EIF2AK1: variants seen among roughly 807,000 people sequenced by gnomAD.
The protein encoded by EIF2AK1 is eukaryotic translation initiation factor 2 alpha kinase 1.
In EIF2AK1, 54 loss-of-function variants were observed where a neutral mutation model predicts 77.9. That is an observed-to-expected ratio of 0.69 (90% confidence interval 0.56 to 0.87). The LOEUF (loss-of-function observed/expected upper bound fraction) is 0.87. Among genes scored for constraint, EIF2AK1 ranks in the 40% least tolerant of loss-of-function variants. The probability of loss-of-function intolerance (pLI) is 0.00; values close to 1 mark genes in which losing one functional copy is unlikely to be tolerated. For missense variants in EIF2AK1, 810 were observed against 768.6 expected, an observed-to-expected ratio of 1.05 and a Z score of -0.64; for synonymous variants, 314 against 290.5, an observed-to-expected ratio of 1.08 and a Z score of -0.82.
intron 11 of EIF2AK1, among the ~76,000 whole-genome samples, chr7:6,034,833 G>T (rs1339054629): frequency 6.6e-6 from 1 of 152,148 alleles, no homozygotes. Context: ...CCTGGAGCAG[G>T]GAATGAACTT....
chr7:6,037,298 A>G (rs1788136278), intron 11 of EIF2AK1, 126 bp downstream of exon 11: 1 of 659,294 alleles, frequency 1.5e-6, no homozygotes, highest in Non-Finnish European at 2.7e-6. Flanking sequence ...CTTATCTGAC[A>G]GTAATTATAA....
rs1219794263 is a variant in EIF2AK1 at position 6,049,776 on chromosome 7, A to C, written c.411+136T>G. On this transcript the variant is annotated intron_variant, in intron 3 of 14. Coordinates refer to ENST00000199389, the MANE Select transcript of EIF2AK1 (RefSeq NM_014413.4). ...GTGCTGGGATTAAGGCATGAGCCAC[A>C]CCACCATGCCTGGCCTAGAGTTTAT... is the stretch of plus-strand genomic sequence containing the variant. 1.5e-4 allele frequency: 125 copies of C among 820,914 alleles called. 3 individuals are homozygous for C. In the South Asian group the frequency reaches 1.7e-3, roughly 11 times the overall value. The allele number at this position is 820,914 out of a possible 1,614,324, so 50.9% of individuals were successfully genotyped here. A position where few individuals can be genotyped will look rare whatever the true frequency, so the allele number is the denominator to read the frequency against.
Position 6,024,198 on chromosome 7 carries a change from CAGA to C in EIF2AK1, c.*472_*474del. On this transcript the variant is annotated 3_prime_UTR_variant, in exon 15 of 15. Transcript: ENST00000199389. ...AGTTGAGCTTTTATCTTAGAGGCAG[CAGA>C]AGGTTTGGAGCCAAGGAATGAAATG... 2.4e-6 allele frequency: 3 copies of C among 1,248,290 alleles called. No homozygotes were observed. The highest frequency in any genetic ancestry group is 2.7e-5 in the Admixed American group (1 of 37,564). 77.3% of individuals were successfully genotyped at this position (1,248,290 alleles called of 1,614,324 possible).
Position 6,024,295 on chromosome 7 carries a change from A to C in EIF2AK1, c.*378T>G. ...GGGGCAGGAAGACTGGCAGCTGTCA[A>C]AACTGGAACAGTCCAGTGAGTATGT... On this transcript the variant is annotated 3_prime_UTR_variant, in exon 15 of 15. Coordinates refer to ENST00000199389, the MANE Select transcript of EIF2AK1 (RefSeq NM_014413.4). The C allele has an allele frequency of 1.6e-6, 2 of 1,214,258 alleles. No individual in the cohort carries two copies. Among genetic ancestry groups the C allele is most frequent in the Non-Finnish European group, 2.1e-6 (2 of 959,466 alleles). The allele number at this position is 1,214,258 out of a possible 1,614,324, so 75.2% of individuals were successfully genotyped here. A position where few individuals can be genotyped will look rare whatever the true frequency, so the allele number is the denominator to read the frequency against.
rs1195294454 is a variant in EIF2AK1, at chr7:6,027,104, G to A, written c.1531-143C>T. 2.0e-5 allele frequency: 14 copies of A among 690,362 alleles called. No individual in the cohort carries two copies. Among genetic ancestry groups the A allele is most frequent in the Non-Finnish European group, 2.7e-5 (11 of 411,138 alleles). The allele number at this position is 690,362 out of a possible 1,614,324, so 42.8% of individuals were successfully genotyped here. Reference sequence around the variant, plus strand: ...ACCCACAAGGAAGGGAACAGAGCAGGATAGCTCATCAGTGACAGGGACTTT... The same window carrying A: ...ACCCACAAGGAAGGGAACAGAGCAGAATAGCTCATCAGTGACAGGGACTTT... On this transcript the variant is annotated intron_variant, in intron 13 of 14. Transcript: ENST00000199389. The surrounding 1 kb of genome is among the most constrained non-coding windows in gnomAD (Gnocchi z 4.5).
At chr7:6,050,195 G>A in intron 2 of EIF2AK1, 150 bp from the exon 3 acceptor site, 1 of 688,460 alleles carries the variant, frequency 1.5e-6, no homozygotes, top group East Asian at 2.9e-5. Flanking sequence ...GTTAAACTTG[G>A]AGAATGTTCT....
rs780373174 is a variant in EIF2AK1, at chr7:6,040,957, C to G, written c.1054G>C (p.Glu352Gln). 6.2e-7 allele frequency: 1 copy of G among 1,614,154 alleles called. No individual in the cohort carries two copies. Among genetic ancestry groups the G allele is most frequent in the South Asian group, 1.1e-5 (1 of 91,078 alleles). ...TCTTCGGTGGATGTGAAACTCTCCT[C>G]TAGGTGGGAATTACGCCTGAGTGGC... ...QLPLRRNSHL[E>Q]ESFTSTEESS... The change falls in exon 9 of 15, where the codon GAG (glutamate) becomes CAG (glutamine). Residue 352 changes from glutamate to glutamine, a missense_variant. Glu to Gln is a conservative substitution (Grantham distance 29, BLOSUM62 2). Coordinates refer to ENST00000199389, the MANE Select transcript of EIF2AK1 (RefSeq NM_014413.4).
At chr7:6,034,547 C>A (rs1387926556) in intron 11 of EIF2AK1, among the ~76,000 whole-genome samples, 1 of 152,110 alleles carries the variant, frequency 6.6e-6, no homozygotes, top group South Asian at 2.1e-4. Context: ...AGAACTCTGC[C>A]GGCTTCCACT....
intron 7 of EIF2AK1, 45 bp from the exon 8 acceptor site, chr7:6,043,038 T>C: frequency 6.3e-7 from 1 of 1,586,634 alleles, no homozygotes; most frequent in East Asian, 2.2e-5. Context: ...GCCCAGTTTT[T>C]CAAATTGTAG....
Position 6,029,001 on chromosome 7 carries a change from T to G in EIF2AK1, c.1364A>C (p.Gln455Pro). 6.2e-7 allele frequency: 1 copy of G among 1,612,542 alleles called. No individual in the cohort carries two copies. Among genetic ancestry groups the G allele is most frequent in the Non-Finnish European group, 8.5e-7 (1 of 1,179,736 alleles). ...ACCAAAGTCTCCTATTTTTACTTGC[T>G]GATCAGGGCCATGAAGAAAAATATT... ...PRNIFLHGPDQQVKIGDFGLA... is the reference protein window; with the variant it reads ...PRNIFLHGPDPQVKIGDFGLA... Residue 455 changes from glutamine (Q) to proline (P), a missense_variant, in exon 12 of 15, where the codon CAG (glutamine) becomes CCG (proline). Gln to Pro is a moderately conservative substitution (Grantham distance 76, BLOSUM62 -1). Coordinates refer to ENST00000199389, the MANE Select transcript of EIF2AK1 (RefSeq NM_014413.4).
chr7:6,041,840 A>G (rs550542258), intron 8 of EIF2AK1, among the ~76,000 whole-genome samples: 2 of 18,802 alleles, frequency 1.1e-4, no homozygotes, highest in East Asian at 7.8e-3. Context: ...GACTCCATCT[A>G]AAAAAAAAAA....
intron 1 of EIF2AK1, among the ~76,000 whole-genome samples, chr7:6,058,545 CAAG>C (rs775523690): frequency 6.6e-6 from 1 of 152,140 alleles, no homozygotes; most frequent in African/African-American, 2.4e-5. Context: ...AAGCAAAAGA[CAAG>C]AAGAGCTACA....
At position 6,027,426 on chromosome 7, in the gene EIF2AK1, A is replaced by AT. The variant is rs1024505268; in HGVS notation, c.1531-466dup. ...TCTGTGATACTACTCCTAAAAACAG[A>AT]TTTTTTAGGAAGGTCTTCACTAAAC... On this transcript the variant is annotated intron_variant, in intron 13 of 14. Coordinates refer to ENST00000199389, the MANE Select transcript of EIF2AK1 (RefSeq NM_014413.4). This position sits in a 1 kb window ranked among gnomAD's most constrained non-coding sequence, Gnocchi z 4.5. Among the ~76,000 whole-genome samples the AT allele has an allele frequency of 3.5e-4, 54 of 152,332 alleles. 1 individual carries two copies. The highest frequency in any genetic ancestry group is 1.3e-3 in the African/African-American group (53 of 41,592).
rs1468182470 is a variant in EIF2AK1, at chr7:6,032,975, T to C, written c.1333-3943A>G. On this transcript the variant is annotated intron_variant, in intron 11 of 14. Transcript: ENST00000199389. This position sits in a 1 kb window ranked among gnomAD's most constrained non-coding sequence, Gnocchi z 4.3. ...ACCGAAAATCATTTCTTTTTTTTTC[T>C]TTTTTGTTTTGAGGCAGGGGTCTCG... is the stretch of plus-strand genomic sequence containing the variant. 6.6e-7 allele frequency: 1 copy of C among 1,514,496 alleles called. No homozygotes were observed. Among genetic ancestry groups the C allele is most frequent in the Admixed American group, 2.0e-5 (1 of 50,418 alleles). The allele number at this position is 1,514,496 out of a possible 1,614,324, so 93.8% of individuals were successfully genotyped here. A position where few individuals can be genotyped will look rare whatever the true frequency, so the allele number is the denominator to read the frequency against.
intron 2 of EIF2AK1, among the ~76,000 whole-genome samples, chr7:6,050,518 C>T (rs1163157624): frequency 2.0e-5 from 3 of 150,678 alleles, no homozygotes; most frequent in African/African-American, 4.9e-5. Context: ...TTTTAAAAAG[C>T]GAAGAAACTT....
At position 6,027,329 on chromosome 7, in the gene EIF2AK1, C is replaced by T. The variant is rs557038219; in HGVS notation, c.1531-368G>A. Reference sequence around the variant, plus strand: ...GGAGCCACAGAAGGTCGCGGGTTCTCCTCCGGTCTCACCTCTGCCTCCACT... The same window carrying T: ...GGAGCCACAGAAGGTCGCGGGTTCTTCTCCGGTCTCACCTCTGCCTCCACT... On this transcript the variant is annotated intron_variant, in intron 13 of 14. Coordinates refer to ENST00000199389, the MANE Select transcript of EIF2AK1 (RefSeq NM_014413.4). This position sits in a 1 kb window ranked among gnomAD's most constrained non-coding sequence, Gnocchi z 4.5. Among the ~76,000 whole-genome samples the T allele has an allele frequency of 5.0e-4, 76 of 152,320 alleles. No homozygotes were observed. The highest frequency in any genetic ancestry group is 1.7e-3 in the African/African-American group (69 of 41,568).
intron 1 of EIF2AK1, among the ~76,000 whole-genome samples, chr7:6,056,420 C>T (rs1788762867): frequency 6.7e-6 from 1 of 149,770 alleles, no homozygotes; most frequent in Non-Finnish European, 1.5e-5. Flanking sequence ...TGGTGAAACC[C>T]CGTCTCTACC....
intron 11 of EIF2AK1, chr7:6,031,490 GA>G: frequency 6.4e-7 from 1 of 1,550,684 alleles, no homozygotes; most frequent in Non-Finnish European, 8.7e-7. Context: ...CATCATGAGA[GA>G]AGACTGCACT....
intron 10 of EIF2AK1, 22 bp downstream of exon 10, chr7:6,038,538 G>C (rs752306886): frequency 1.5e-5 from 24 of 1,589,616 alleles, no homozygotes; most frequent in Non-Finnish European, 2.1e-5. Flanking sequence ...TTCCCGGCCC[G>C]GCAGACCCAG....
Sources: gnomAD v4.1 joint callset for allele counts (sites outside exome capture counted in the v4.1 genomes callset) on GRCh38, gnomAD v4.1.1 for gene constraint, Gnocchi (gnomAD v3.1) non-coding constraint, MANE v1.5 for transcripts, NCBI Gene and HGNC (gene_info 2026-07-23, HGNC 2026-07-21) for gene names.